PATL2: variants seen among roughly 807,000 people sequenced by gnomAD.
PATL2 encodes protein PAT1 homolog 2.
PATL2 carries 73 observed loss-of-function variants against 77.0 expected under a neutral mutation model. The ratio of observed to expected loss-of-function variants is 0.95; its 90% confidence interval spans 0.78 to 1.15. PATL2 has a LOEUF of 1.15. Ranked by LOEUF, PATL2 falls within the 50% of genes most tolerant of loss-of-function variation. The probability of loss-of-function intolerance (pLI) is 0.00; values close to 1 mark genes in which losing one functional copy is unlikely to be tolerated. For missense variants in PATL2, 618 were observed against 655.4 expected (o/e 0.94, Z 0.62); for synonymous variants, 265 against 257.1 (o/e 1.03, Z -0.29).
intron 15 of PATL2, among the ~76,000 whole-genome samples, chr15:44,667,464 A>C (rs755337370): frequency 6.6e-6 from 1 of 152,176 alleles, no homozygotes; most frequent in African/African-American, 2.4e-5. Context: ...AACTCCTAGG[A>C]GTAGGAGATC....
At chr15:44,690,838 T>A (rs142184313) in intron 3 of PATL2, among the ~76,000 whole-genome samples, 24 of 152,274 alleles carry the variant, frequency 1.6e-4, no homozygotes, top group African/African-American at 5.8e-4. Context: ...AAAATTAACA[T>A]AATGCTGTTG....
At chr15:44,668,871 G>A (rs948601125) in intron 14 of PATL2, 109 bp downstream of exon 14, 11 of 1,319,572 alleles carry the variant, frequency 8.3e-6, no homozygotes, top group Admixed American at 3.0e-5. Flanking sequence ...ATCCCTCGCT[G>A]TGCCCAGCAC....
At chr15:44,682,244 A>G (rs577372841) in intron 3 of PATL2, among the ~76,000 whole-genome samples, 13 of 152,356 alleles carry the variant, frequency 8.5e-5, no homozygotes, top group African/African-American at 2.6e-4. Flanking sequence ...AGTTATTCAA[A>G]TGGGAAAAAC....
chr15:44,678,148 A>G (rs1383829599), intron 3 of PATL2, among the ~76,000 whole-genome samples: 1 of 152,158 alleles, frequency 6.6e-6, no homozygotes, highest in Non-Finnish European at 1.5e-5. Context: ...CACCACACCC[A>G]GCTGGGTTCT....
intron 4 of PATL2, 35 bp downstream of exon 4, chr15:44,676,440 C>T (rs1218922438): frequency 1.3e-6 from 2 of 1,514,486 alleles, no homozygotes; most frequent in Non-Finnish European, 9.0e-7. Context: ...CATGCTGGGG[C>T]ATTTTATATA....
In PATL2 at chr15:44,665,757, C is replaced by A; in HGVS notation, c.*196G>T. The A allele has an allele frequency of 7.0e-7, 1 of 1,424,820 alleles. No individual in the cohort carries two copies. The highest frequency in any genetic ancestry group is 9.3e-7 in the Non-Finnish European group (1 of 1,074,686). 88.3% of individuals were successfully genotyped at this position (1,424,820 alleles called of 1,614,324 possible). On this transcript the variant is annotated 3_prime_UTR_variant, in exon 18 of 18. Coordinates refer to ENST00000682850, the MANE Select transcript of PATL2 (RefSeq NM_001387263.1). ...TCATTCTATTATCTCTTTAATTATA[C>A]CTTATTATGCCATGTCTTATTTTTA...
intron 3 of PATL2, among the ~76,000 whole-genome samples, chr15:44,696,538 T>C (rs917643670): frequency 2.6e-5 from 4 of 152,232 alleles, no homozygotes; most frequent in African/African-American, 4.8e-5. Flanking sequence ...TGGCATCTGA[T>C]AGACTGCAAT....
At chr15:44,707,436 T>C (rs1181230236) in intron 3 of PATL2, among the ~76,000 whole-genome samples, 4 of 152,072 alleles carry the variant, frequency 2.6e-5, no homozygotes, top group South Asian at 2.1e-4. Context: ...GGCTCTTTAG[T>C]CAGCTGGTGA....
In PATL2 at chr15:44,666,462, T is replaced by C. The variant is rs1178377639; in HGVS notation, c.1543A>G (p.Ser515Gly). The change falls in exon 17 of 18, where the codon AGC becomes GGC. Residue 515 changes from serine (S) to glycine (G), a missense_variant. Ser to Gly is a moderately conservative substitution (Grantham distance 56). Transcript: ENST00000682850. ...TGACAGAACAGGGGAAGTAGGTTGC[T>C]GGGGAAAGCTAGGGGTTCTGCCAGA... ...ASLAEPLAFP[S>G]NLLPLFCHHV... The C allele has an allele frequency of 6.4e-7, 1 of 1,551,692 alleles. No individual in the cohort carries two copies. The highest frequency in any genetic ancestry group is 1.4e-5 in the African/African-American group (1 of 73,178).
intron 3 of PATL2, among the ~76,000 whole-genome samples, chr15:44,695,147 C>T (rs902126296): frequency 6.6e-6 from 1 of 151,818 alleles, no homozygotes; most frequent in South Asian, 2.1e-4. Flanking sequence ...GAAGATTGCA[C>T]CATTGCACTC....
intron 3 of PATL2, among the ~76,000 whole-genome samples, chr15:44,704,573 G>T (rs1813254745): frequency 6.6e-6 from 1 of 152,094 alleles, no homozygotes; most frequent in Non-Finnish European, 1.5e-5. Flanking sequence ...GTCTTGAAAA[G>T]TTGTTATAGT....
intron 3 of PATL2, among the ~76,000 whole-genome samples, chr15:44,698,833 T>C (rs2086569061): frequency 6.6e-6 from 1 of 152,236 alleles, no homozygotes; most frequent in East Asian, 1.9e-4. Context: ...TTCTCCCTAG[T>C]GGCTATACTA....
At chr15:44,686,035 A>T (rs1489939257) in intron 3 of PATL2, among the ~76,000 whole-genome samples, 1 of 152,182 alleles carries the variant, frequency 6.6e-6, no homozygotes, top group Non-Finnish European at 1.5e-5. Context: ...CAGGACTTGA[A>T]CTCAGCTCTG....
At chr15:44,667,326 C>T (rs2085425915) in intron 15 of PATL2, 123 bp from the exon 16 acceptor site, 3 of 707,982 alleles carry the variant, frequency 4.2e-6, no homozygotes, top group South Asian at 3.5e-5. Flanking sequence ...CTCAAAATAT[C>T]CACAAGTGCT....
In PATL2 at chr15:44,711,302, A is replaced by C; in HGVS notation, c.-536T>G. 3.3e-6 allele frequency: 2 copies of C among 604,246 alleles called. No individual in the cohort carries two copies. Among genetic ancestry groups the C allele is most frequent in the Admixed American group, 2.7e-5 (1 of 37,080 alleles). The allele number at this position is 604,246 out of a possible 1,614,324, so 37.4% of individuals were successfully genotyped here. A position where few individuals can be genotyped will look rare whatever the true frequency, so the allele number is the denominator to read the frequency against. On this transcript the variant is annotated 5_prime_UTR_variant, in exon 1 of 18. Coordinates refer to ENST00000682850, the MANE Select transcript of PATL2 (RefSeq NM_001387263.1). ...AGCTGGGGCGCGCACCCCAGATCGGAGGGCGCCGATGTACAGACAGCAAAC... is the reference window on the plus strand; with the variant it reads ...AGCTGGGGCGCGCACCCCAGATCGGCGGGCGCCGATGTACAGACAGCAAAC...
chr15:44,699,034 GTA>G (rs1350249724), intron 3 of PATL2, among the ~76,000 whole-genome samples: 1 of 152,144 alleles, frequency 6.6e-6, no homozygotes, highest in Non-Finnish European at 1.5e-5. Flanking sequence ...TTTGCCATTT[GTA>G]TGTCTTCTTT....
In PATL2 at chr15:44,679,617, T is replaced by G. The variant is rs1487474804; in HGVS notation, c.-75-3052A>C. 8.9e-5 allele frequency among the ~76,000 whole-genome samples: 13 copies of G among 145,572 alleles called. 1 individual carries two copies. The highest frequency in any genetic ancestry group is 8.4e-4 in the Admixed American group (12 of 14,312). ...CATGTTGGCCAGGCTGGTCTCAAAC[T>G]CCTGGCTTCAAGTGATCCACCTGCC... On this transcript the variant is annotated intron_variant, in intron 3 of 17. Transcript: ENST00000682850.
chr15:44,678,732 G>A (rs2086056348), intron 3 of PATL2, among the ~76,000 whole-genome samples: 1 of 152,040 alleles, frequency 6.6e-6, no homozygotes, highest in Admixed American at 6.6e-5. Context: ...GATAGCTTGA[G>A]CCCATGAGTT....
chr15:44,708,077 C>T (rs941202684), intron 3 of PATL2, among the ~76,000 whole-genome samples: 6 of 152,264 alleles, frequency 3.9e-5, no homozygotes, highest in Non-Finnish European at 1.5e-5. Context: ...CACACATTCT[C>T]TCTCCATGCC....
Sources: gnomAD v4.1 joint callset for allele counts (sites outside exome capture counted in the v4.1 genomes callset) on GRCh38, gnomAD v4.1.1 for gene constraint, MANE v1.5 for transcripts, NCBI Gene and HGNC (gene_info 2026-07-23, HGNC 2026-07-21) for gene names.